The following WNT5A variants were observed in gnomAD, a reference collection of about 807,000 sequenced individuals.
WNT5A encodes the protein protein Wnt-5a.
In WNT5A, 9 loss-of-function variants were observed where a neutral mutation model predicts 42.1. The observed-to-expected ratio is 0.21, with a 90% CI of 0.13 to 0.37. WNT5A has a LOEUF of 0.37. Ranked by LOEUF, WNT5A falls within the 10% of genes least tolerant of loss-of-function variation. WNT5A has a pLI of 1.00. For missense variants in WNT5A, 426 were observed against 534.0 expected, an observed-to-expected ratio of 0.80 and a Z score of 1.99; for synonymous variants, 210 against 210.0, an observed-to-expected ratio of 1.00 and a Z score of 0.00.
At chr3:55,487,487 G>A (rs982576959), upstream of WNT5A, 2 of 153,686 alleles carry the variant, frequency 1.3e-5, no homozygotes, top group African/African-American at 4.8e-5. Context: ...GCGGGGGAAG[G>A]GGGGCGATCT....
At chr3:55,481,250 C>CT in intron 1 of WNT5A, 3 of 994,122 alleles carry the variant, frequency 3.0e-6, no homozygotes, top group Non-Finnish European at 3.6e-6. Flanking sequence ...CCTGGCCCCC[C>CT]TCTAGTTGGT....
intron 1 of WNT5A, among the ~76,000 whole-genome samples, chr3:55,485,355 A>G (rs2051557497): frequency 6.6e-6 from 1 of 151,420 alleles, no homozygotes; most frequent in Non-Finnish European, 1.5e-5. Flanking sequence ...TGAGCACCGG[A>G]GCGCACGGGG....
chr3:55,480,228 T>G (rs2051433012), intron 2 of WNT5A, among the ~76,000 whole-genome samples: 2 of 152,204 alleles, frequency 1.3e-5, no homozygotes, highest in African/African-American at 4.8e-5. Context: ...TTACAGTCTA[T>G]CTACAAGGCC....
intron 1 of WNT5A, among the ~76,000 whole-genome samples, chr3:55,482,456 C>T (rs962153120): frequency 6.6e-5 from 10 of 152,202 alleles, no homozygotes; most frequent in Non-Finnish European, 1.5e-4. Context: ...AGGTGAGCCT[C>T]TTTAAGGCGG....
the WNT5A span, chr3:55,497,480 G>A: frequency 6.6e-6 from 1 of 152,222 alleles, no homozygotes; most frequent in African/African-American, 2.4e-5. Flanking sequence ...GACTCTGGCT[G>A]GTTTGAGACA....
intron 4 of WNT5A, among the ~76,000 whole-genome samples, chr3:55,473,345 G>A (rs1283233783): frequency 1.3e-5 from 2 of 152,088 alleles, no homozygotes; most frequent in African/African-American, 2.4e-5. Context: ...AAAGTTCCTG[G>A]CACCTACCTT....
upstream of WNT5A, chr3:55,487,547 T>C (rs2051601214): frequency 1.3e-5 from 2 of 153,254 alleles, no homozygotes; most frequent in Non-Finnish European, 2.9e-5. Context: ...CTGCAAACTC[T>C]TGGCGGCTCA....
the WNT5A span, among the ~76,000 whole-genome samples, chr3:55,497,052 C>T: frequency 2.0e-5 from 3 of 152,142 alleles, no homozygotes; most frequent in Non-Finnish European, 2.9e-5. Context: ...ATTCATTTGT[C>T]GAATTAGTAT....
rs912342980 is a variant in WNT5A, at chr3:55,466,917, A to G, written c.*3175T>C. On this transcript the variant is annotated 3_prime_UTR_variant, in exon 5 of 5. Coordinates refer to ENST00000264634, the MANE Select transcript of WNT5A (RefSeq NM_003392.7). ...TTCTTGGCATCCTTAAAAGGTTTCA[A>G]TATGTTACAAGGTTATCCGGAAAGA... 2.0e-5 allele frequency: 3 copies of G among 152,486 alleles called. No individual in the cohort carries two copies. Among genetic ancestry groups the G allele is most frequent in the African/African-American group, 4.8e-5 (2 of 41,448 alleles). 9.4% of individuals were successfully genotyped at this position (152,486 alleles called of 1,614,324 possible).
At chr3:55,488,745 G>C (rs1180128902), upstream of WNT5A, among the ~76,000 whole-genome samples, 2 of 152,148 alleles carry the variant, frequency 1.3e-5, no homozygotes, top group Non-Finnish European at 2.9e-5. Context: ...GCCACCGACC[G>C]GCGGGAGGCT....
intron 1 of WNT5A, chr3:55,481,172 C>T: frequency 1.5e-6 from 1 of 678,042 alleles, no homozygotes; most frequent in Non-Finnish European, 2.0e-6. Context: ...AAACGTGTCT[C>T]AATTCTGTTG....
At chr3:55,500,630 CTGTT>C in the WNT5A span, among the ~76,000 whole-genome samples, 2 of 152,180 alleles carry the variant, frequency 1.3e-5, no homozygotes, top group East Asian at 1.9e-4. Context: ...TCAAACCTGT[CTGTT>C]TGACCCCAAA....
rs1474087973 is a variant in WNT5A, at chr3:55,467,167, C to A, written c.*2925G>T. 3 of 152,230 alleles carry A rather than the reference C, an allele frequency of 2.0e-5. No homozygotes were observed. The highest frequency in any genetic ancestry group is 7.2e-5 in the African/African-American group (3 of 41,424). The allele number at this position is 152,230 out of a possible 1,614,324, so 9.4% of individuals were successfully genotyped here. A position where few individuals can be genotyped will look rare whatever the true frequency, so the allele number is the denominator to read the frequency against. ...CACAGTAAATTCAAATAGAGAGGTG[C>A]AATAGTTGCAGTGGTAAACACACAA... On this transcript the variant is annotated 3_prime_UTR_variant, in exon 5 of 5. Transcript: ENST00000264634.
In WNT5A at chr3:55,470,416, C is replaced by A; in HGVS notation, c.819G>T (p.Ala273=). 2 of 1,613,112 alleles carry A rather than the reference C, an allele frequency of 1.2e-6. No homozygotes were observed. The highest frequency in any genetic ancestry group is 1.7e-6 in the Non-Finnish European group (2 of 1,179,508). Residue 273 remains alanine, a synonymous_variant, in exon 5 of 5, where the codon GCG becomes GCT. Coordinates refer to ENST00000264634, the MANE Select transcript of WNT5A (RefSeq NM_003392.7). The part of the protein sequence containing the change: ...GDALKEKYDS[A]AAMRLNSRGK... ...CCCGGCTGTTGAGCCGCATGGCCGC[C>A]GCGCTGTCGTACTTCTCCTTCAGGG...
intron 3 of WNT5A, among the ~76,000 whole-genome samples, chr3:55,478,302 G>A (rs2051393610): frequency 6.6e-6 from 1 of 151,680 alleles, no homozygotes; most frequent in Admixed American, 6.6e-5. Context: ...GTAATTTTCG[G>A]GGTTTTTTTT....
the WNT5A span, among the ~76,000 whole-genome samples, chr3:55,503,825 A>C: frequency 1.3e-5 from 2 of 152,156 alleles, no homozygotes; most frequent in Non-Finnish European, 2.9e-5. Context: ...AGTGCGTACC[A>C]ATAGTCCCAG....
intron 4 of WNT5A, among the ~76,000 whole-genome samples, chr3:55,473,401 G>T (rs558926731): frequency 1.3e-5 from 2 of 152,312 alleles, no homozygotes; most frequent in African/African-American, 4.8e-5. Context: ...TGCTGCCAAA[G>T]TTAAGAAAAG....
At chr3:55,502,232 A>G in the WNT5A span, among the ~76,000 whole-genome samples, 185 of 152,280 alleles carry the variant, frequency 1.2e-3, no homozygotes, top group African/African-American at 4.3e-3. Context: ...TCACTGCTCA[A>G]TCTGTTCAAT....
rs747226594 is a variant in WNT5A at position 55,474,461 on chromosome 3, T to C, written c.560A>G (p.Asp187Gly). Residue 187 changes from aspartate to glycine, a missense_variant, in exon 4 of 5, where the codon GAC becomes GGC. Physicochemically the swap from Asp to Gly is moderately conservative, Grantham distance 94 (BLOSUM62 -1). Around this residue, in one of 3 missense-constraint regions of WNT5A, gnomAD observed 358 missense variants for 468.1 expected, o/e 0.76. Transcript: ENST00000264634. ...WLWGGCGDNI[D>G]YGYRFAKEFV... The stretch of plus-strand genomic sequence containing the variant: ...CTCCTTGGCAAAGCGGTAGCCATAG[T>C]CGATGTTGTCGCCGCAGCCGCCCCA... 2 of 1,607,178 alleles carry C rather than the reference T, an allele frequency of 1.2e-6. No individual in the cohort carries two copies. The highest frequency in any genetic ancestry group is 1.7e-6 in the Non-Finnish European group (2 of 1,177,866).
Sources: allele counts gnomAD v4.1 joint callset (sites outside exome capture counted in the v4.1 genomes callset), GRCh38; gene constraint gnomAD v4.1.1; regional missense constraint gnomAD v4.1.1; transcripts MANE v1.5; gene names NCBI Gene and HGNC (gene_info 2026-07-23, HGNC 2026-07-21).